The following PIGV variants were observed in gnomAD, a reference collection of about 807,000 sequenced individuals.
PIGV encodes phosphatidylinositol glycan anchor biosynthesis class V.
A neutral mutation model predicts 39.2 loss-of-function variants in PIGV; 27 were observed. The ratio of observed to expected loss-of-function variants is 0.69; its 90% confidence interval spans 0.51 to 0.95. The LOEUF (loss-of-function observed/expected upper bound fraction) is 0.95. Ranked by LOEUF, PIGV falls within the 40% of genes least tolerant of loss-of-function variation. The pLI is 0.00. For missense variants in PIGV, 523 were observed against 586.4 expected (o/e 0.89, Z 1.12); for synonymous variants, 232 against 241.7 (o/e 0.96, Z 0.37).
chr1:26,792,320 A>ATTT (rs34566875), intron 2 of PIGV, among the ~76,000 whole-genome samples: 5 of 129,282 alleles, frequency 3.9e-5, no homozygotes, highest in Non-Finnish European at 6.7e-5. Context: ...TAATTTTTGT[A>ATTT]TTTTTTTTTT....
chr1:26,799,024 A>G lies in PIGV; in HGVS notation c.*1180A>G, dbSNP rs2124212580. Among the ~76,000 whole-genome samples, 1 of 152,226 alleles carries G rather than the reference A, an allele frequency of 6.6e-6. No individual in the cohort carries two copies. On this transcript the variant is annotated 3_prime_UTR_variant, in exon 4 of 4. Transcript: ENST00000674202. ...AAGAACTGCCTTAAACAACAGAATC[A>G]CCCCAGTCTAAATGCTAATGTAGAG...
chr1:26,788,626 C>T (rs1202707419), intron 1 of PIGV: 1 of 152,188 alleles, frequency 6.6e-6, no homozygotes, highest in Non-Finnish European at 1.5e-5. Context: ...GGGCTGGTAC[C>T]GTGAGGTTTA....
In PIGV at chr1:26,799,237, T is replaced by C. The variant is rs1476603900; in HGVS notation, c.*1393T>C. Among the ~76,000 whole-genome samples, 5 of 152,180 alleles carry C rather than the reference T, an allele frequency of 3.3e-5. No homozygotes were observed. Among genetic ancestry groups the C allele is most frequent in the Admixed American group, 6.5e-5 (1 of 15,268 alleles). ...CGTTCTCAGATGCCTGCTTACTTGA[T>C]CAGTAGACATGGGTCAGAGGCGCCA... On this transcript the variant is annotated 3_prime_UTR_variant, in exon 4 of 4. Transcript: ENST00000674202.
At position 26,797,590 on chromosome 1, in the gene PIGV, A is replaced by G. The variant is rs777720578; in HGVS notation, c.1228A>G (p.Thr410Ala). The G allele has an allele frequency of 1.2e-6, 2 of 1,613,764 alleles. No homozygotes were observed. Among genetic ancestry groups the G allele is most frequent in the Non-Finnish European group, 1.7e-6 (2 of 1,179,914 alleles). Residue 410 changes from threonine to alanine, a missense_variant, in exon 4 of 4, where the codon ACT (threonine) becomes GCT (alanine). Physicochemically the swap from Thr to Ala is moderately conservative, Grantham distance 58. Transcript: ENST00000674202. ...TCTCACCAGGTTTTTGGGCTCCTCCACTCCTATTATGTACTGGTTTCCAGC... is the reference window on the plus strand; with the variant it reads ...TCTCACCAGGTTTTTGGGCTCCTCCGCTCCTATTATGTACTGGTTTCCAGC... ...QVLTRFLGSS[T>A]PIMYWFPAHL...
At chr1:26,787,637 C>T (rs2081252682), upstream of PIGV, 1 of 152,352 alleles carries the variant, frequency 6.6e-6, no homozygotes, top group Non-Finnish European at 1.5e-5. Flanking sequence ...GCGGGTCAGC[C>T]TCCGACTACA....
chr1:26,798,581 C>T lies in PIGV; in HGVS notation c.*737C>T, dbSNP rs1557630417. ...CAAAAATTAGCCGTGCATGATGGTA[C>T]ACACCTGTAATCCTACTCGGGAGGC... On this transcript the variant is annotated 3_prime_UTR_variant, in exon 4 of 4. Coordinates refer to ENST00000674202, the MANE Select transcript of PIGV (RefSeq NM_017837.4). 6.6e-6 allele frequency among the ~76,000 whole-genome samples: 1 copy of T among 152,146 alleles called. No homozygotes were observed. Among genetic ancestry groups the T allele is most frequent in the Non-Finnish European group, 1.5e-5 (1 of 68,032 alleles).
chr1:26,795,983 C>T (rs974983479), intron 3 of PIGV, among the ~76,000 whole-genome samples: 38 of 151,052 alleles, frequency 2.5e-4, no homozygotes, highest in Middle Eastern at 3.4e-3. Flanking sequence ...CTCAATCTCC[C>T]GAGTAGCTGG....
upstream of PIGV, chr1:26,787,421 G>A (rs536743802): frequency 6.6e-6 from 1 of 152,342 alleles, no homozygotes; most frequent in East Asian, 1.9e-4. Context: ...AGGACAGAAG[G>A]TCTCTGGTAG....
rs79170044 is a variant in PIGV at position 26,793,252 on chromosome 1, C to A, written c.79-861C>A. Among the ~76,000 whole-genome samples the A allele has an allele frequency of 6.7e-3, 1,028 of 152,350 alleles. 10 individuals carry two copies. Among genetic ancestry groups the A allele is most frequent in the Non-Finnish European group, 0.01 (706 of 68,030 alleles). On this transcript the variant is annotated intron_variant, in intron 2 of 3. Transcript: ENST00000674202. ...CCACATTGTTGTTCACCTACTGCCC[C>A]ATTTTTCTGCTTCCCCTTATGGCAA...
rs2081433298 is a variant in PIGV, at chr1:26,800,066, G to A, written c.*2222G>A. On this transcript the variant is annotated 3_prime_UTR_variant, in exon 4 of 4. Coordinates refer to ENST00000674202, the MANE Select transcript of PIGV (RefSeq NM_017837.4). Reference sequence around the variant, plus strand: ...AGAGTAGGTGTGATGTCACTGCTCTGGCAGTCTCAGTTTAACCTTCACACT... The same window carrying A: ...AGAGTAGGTGTGATGTCACTGCTCTAGCAGTCTCAGTTTAACCTTCACACT... 6.6e-6 allele frequency among the ~76,000 whole-genome samples: 1 copy of A among 152,102 alleles called. No homozygotes were observed. The highest frequency in any genetic ancestry group is 2.1e-4 in the South Asian group (1 of 4,822).
At chr1:26,789,307 C>T (rs1212597479) in intron 1 of PIGV, among the ~76,000 whole-genome samples, 1 of 152,234 alleles carries the variant, frequency 6.6e-6, no homozygotes, top group African/African-American at 2.4e-5. Context: ...CTCCCTTCCT[C>T]CAGGCCTCCT....
At position 26,797,783 on chromosome 1, in the gene PIGV, A is replaced by G. The variant is rs2081404583; in HGVS notation, c.1421A>G (p.Tyr474Cys). The G allele has an allele frequency of 6.2e-7, 1 of 1,614,000 alleles. No homozygotes were observed. Among genetic ancestry groups the G allele is most frequent in the African/African-American group, 1.3e-5 (1 of 74,934 alleles). ...CSPVTRYILG[Y>C]FLTYWLLGLL... ...CCAGTCACACGATACATTCTAGGCT[A>G]CTTCCTGACTTACTGGCTCCTGGGA... is the stretch of plus-strand genomic sequence containing the variant. The change falls in exon 4 of 4, where the codon TAC becomes TGC. Residue 474 changes from tyrosine to cysteine, a missense_variant. Transcript: ENST00000674202.
chr1:26,792,463 G>T (rs1027713468), intron 2 of PIGV, among the ~76,000 whole-genome samples: 1 of 151,610 alleles, frequency 6.6e-6, no homozygotes, highest in African/African-American at 2.4e-5. Context: ...GAGTAGCTGG[G>T]ACTACAGGCG....
chr1:26,787,254 G>A (rs1411725924), upstream of PIGV, among the ~76,000 whole-genome samples: 1 of 152,114 alleles, frequency 6.6e-6, no homozygotes, highest in Non-Finnish European at 1.5e-5. Flanking sequence ...AGACGGTTTT[G>A]TTGAGTTCGC....
intron 2 of PIGV, among the ~76,000 whole-genome samples, chr1:26,793,889 G>A (rs1342871648): frequency 1.3e-5 from 2 of 151,874 alleles, no homozygotes; most frequent in African/African-American, 2.4e-5. Context: ...GATAACAGGC[G>A]TGAGCCACTG....
chr1:26,793,474 C>G (rs1180033956), intron 2 of PIGV, among the ~76,000 whole-genome samples: 2 of 152,214 alleles, frequency 1.3e-5, no homozygotes, highest in African/African-American at 4.8e-5. Flanking sequence ...TCCTTTTCTT[C>G]CCTTGGTTCT....
In PIGV at chr1:26,797,736, G is replaced by GT; in HGVS notation, c.1375dup (p.Tyr459LeufsTer53). ...CCAGAAATCCTATCATGGGACTTTT[G>GT]TATCACTGGAAAACCTGTTCTCCAG... On this transcript the variant is annotated frameshift_variant, in exon 4 of 4. Coordinates refer to ENST00000674202, the MANE Select transcript of PIGV (RefSeq NM_017837.4). LOFTEE classifies it high-confidence loss of function. The GT allele has an allele frequency of 6.2e-7, 1 of 1,614,054 alleles. No individual in the cohort carries two copies. The highest frequency in any genetic ancestry group is 8.5e-7 in the Non-Finnish European group (1 of 1,179,968).
Position 26,794,446 on chromosome 1 carries a change from G to A in PIGV, c.412G>A (p.Gly138Ser). The A allele has an allele frequency of 6.2e-7, 1 of 1,614,184 alleles. No individual in the cohort carries two copies. Among genetic ancestry groups the A allele is most frequent in the Non-Finnish European group, 8.5e-7 (1 of 1,180,028 alleles). ...MLAAVALHDLGCLVLHCPHQS... is the reference protein window; with the variant it reads ...MLAAVALHDLSCLVLHCPHQS... Reference sequence around the variant, plus strand: ...GGCTGCAGTTGCACTTCATGACCTGGGTTGTCTGGTTTTGCACTGTCCCCA... The same window carrying A: ...GGCTGCAGTTGCACTTCATGACCTGAGTTGTCTGGTTTTGCACTGTCCCCA... The change falls in exon 3 of 4, where the codon GGT (glycine) becomes AGT (serine). Residue 138 changes from glycine (G) to serine (S), a missense_variant. By Grantham distance (56) the Gly-to-Ser change is moderately conservative. Transcript: ENST00000674202.
In PIGV at chr1:26,794,174, C is replaced by G; in HGVS notation, c.140C>G (p.Ala47Gly). 6.2e-7 allele frequency: 1 copy of G among 1,614,206 alleles called. No homozygotes were observed. The highest frequency in any genetic ancestry group is 1.1e-5 in the South Asian group (1 of 91,090). The change falls in exon 3 of 4, where the codon GCC becomes GGC. Residue 47 changes from alanine (A) to glycine (G), a missense_variant. Coordinates refer to ENST00000674202, the MANE Select transcript of PIGV (RefSeq NM_017837.4). The part of the protein sequence containing the change: ...HAEAFSPPRL[A>G]PSGFVDQLVE... ...GAAGCCTTCTCTCCTCCTCGCCTGG[C>G]CCCCTCAGGCTTTGTGGACCAACTC... is the stretch of plus-strand genomic sequence containing the variant.
Sources: gnomAD v4.1 joint callset for allele counts (sites outside exome capture counted in the v4.1 genomes callset) on GRCh38, gnomAD v4.1.1 for gene constraint, MANE v1.5 for transcripts, NCBI Gene and HGNC (gene_info 2026-07-23, HGNC 2026-07-21) for gene names.